Variants in EIF1AY observed in about 807,000 individuals in gnomAD.
The protein encoded by EIF1AY is eukaryotic translation initiation factor 1A, Y-chromosomal.
For missense variants in EIF1AY, 19 were observed against 30.6 expected (o/e 0.62, Z 0.89); for synonymous variants, 16 against 9.9 (o/e 1.62, Z -1.16).
chrY:20,576,190 A>G, intron 1 of EIF1AY, among the ~76,000 whole-genome samples: 1 of 33,738 alleles, frequency 3.0e-5, no homozygotes, highest in Non-Finnish European at 7.4e-5. Flanking sequence ...GAATAGGCAC[A>G]TGCAAACACT....
chrY:20,587,389 T>G, intron 4 of EIF1AY: 1 of 32,702 alleles, frequency 3.1e-5, no homozygotes, highest in African/African-American at 1.2e-4. Context: ...CCTGGGTTCA[T>G]GCCATTCTCC....
At position 20,575,826 on chromosome Y, in the gene EIF1AY, G is replaced by A; in HGVS notation, c.-46G>A. On this transcript the variant is annotated 5_prime_UTR_variant, in exon 1 of 7. Transcript: ENST00000361365. ...TCAGTCGGCTCTTAGAGTAGTAACCGCCAGAAAGGAGTCGGAAGAGGTCTC... is the reference window on the plus strand; with the variant it reads ...TCAGTCGGCTCTTAGAGTAGTAACCACCAGAAAGGAGTCGGAAGAGGTCTC... 2 of 380,301 alleles carry A rather than the reference G, an allele frequency of 5.3e-6. No homozygotes were observed. Among genetic ancestry groups the A allele is most frequent in the Non-Finnish European group, 7.4e-6 (2 of 271,507 alleles). 94.9% of individuals were successfully genotyped at this position (380,301 alleles called of 400,897 possible). A position where few individuals can be genotyped will look rare whatever the true frequency, so the allele number is the denominator to read the frequency against.
At chrY:20,576,431 T>C in intron 1 of EIF1AY, among the ~76,000 whole-genome samples, 1 of 33,516 alleles carries the variant, frequency 3.0e-5, no homozygotes, top group African/African-American at 1.2e-4. Flanking sequence ...CCGTATCCGA[T>C]AAATATTGTG....
At chrY:20,586,083 A>G (rs775728825) in intron 4 of EIF1AY, among the ~76,000 whole-genome samples, 2 of 32,723 alleles carry the variant, frequency 6.1e-5, no homozygotes, top group South Asian at 7.1e-4. Context: ...CATTCAGCCA[A>G]TGTTGGTAAA....
chrY:20,584,066 A>T (rs746473764), intron 3 of EIF1AY, among the ~76,000 whole-genome samples: 27 of 32,631 alleles, frequency 8.3e-4, no homozygotes, highest in African/African-American at 2.6e-3. Context: ...TTTCTAATTT[A>T]TTTTTATTTT....
Position 20,589,487 on chromosome Y carries a change from A to G in EIF1AY, c.341A>G (p.Lys114Arg). Residue 114 changes from lysine to arginine, a missense_variant, in exon 6 of 7, where the codon AAA becomes AGA. By Grantham distance (26) the Lys-to-Arg change is conservative (BLOSUM62 2). Coordinates refer to ENST00000361365, the MANE Select transcript of EIF1AY (RefSeq NM_004681.4). ...ATGTCTGTTATTTTACCTTTAGCTAAAATCAATGAAACAGACACATTTGGT... is the reference window on the plus strand; with the variant it reads ...ATGTCTGTTATTTTACCTTTAGCTAGAATCAATGAAACAGACACATTTGGT... ...KAYGELPEHA[K>R]INETDTFGPG... The G allele has an allele frequency of 2.5e-6, 1 of 394,332 alleles. No homozygotes were observed. Among genetic ancestry groups the G allele is most frequent in the Non-Finnish European group, 3.6e-6 (1 of 279,615 alleles).
chrY:20,589,468 G>A lies in EIF1AY; in HGVS notation c.338-16G>A, dbSNP rs769579692. On this transcript the variant is annotated splice_polypyrimidine_tract_variant and intron_variant, in intron 5 of 6. Transcript: ENST00000361365. ...TACAGGTTATATAATCAGTATGTCT[G>A]TTATTTTACCTTTAGCTAAAATCAA... 5.1e-6 allele frequency: 2 copies of A among 390,516 alleles called. No homozygotes were observed. The highest frequency in any genetic ancestry group is 1.3e-4 in the African/African-American group (2 of 15,686).
At chrY:20,591,534 C>T (rs955208569) in intron 6 of EIF1AY, among the ~76,000 whole-genome samples, 1 of 33,690 alleles carries the variant, frequency 3.0e-5, no homozygotes, top group South Asian at 6.6e-4. Flanking sequence ...AAGATATTTT[C>T]GTTTCACATT....
intron 2 of EIF1AY, among the ~76,000 whole-genome samples, chrY:20,580,070 C>CA (rs761607771): frequency 2.0e-3 from 17 of 8,563 alleles, no homozygotes; most frequent in East Asian, 0.015. Context: ...CGTGTCTCTA[C>CA]AAAAAAAAAA....
chrY:20,592,481 T>A lies in EIF1AY; in HGVS notation c.*135T>A. The A allele has an allele frequency of 2.6e-5, 3 of 115,880 alleles. No individual in the cohort carries two copies. Among genetic ancestry groups the A allele is most frequent in the Non-Finnish European group, 4.7e-5 (3 of 63,452 alleles). 28.9% of individuals were successfully genotyped at this position (115,880 alleles called of 400,897 possible). ...AGCAAACTGATTTATTTTCATTGTT[T>A]TAAAGTATTTATTTCTTTAAAAGCT... On this transcript the variant is annotated 3_prime_UTR_variant, in exon 7 of 7. Coordinates refer to ENST00000361365, the MANE Select transcript of EIF1AY (RefSeq NM_004681.4).
At chrY:20,592,167 C>A in intron 6 of EIF1AY, among the ~76,000 whole-genome samples, 174 bp from the exon 7 acceptor site, 5 of 33,622 alleles carry the variant, frequency 1.5e-4, no homozygotes, top group African/African-American at 5.8e-4. Context: ...CAATAACATT[C>A]CAAAAGAGCA....
At chrY:20,588,178 C>T (rs2089356203) in intron 5 of EIF1AY, 73 bp downstream of exon 5, 3 of 200,181 alleles carry the variant, frequency 1.5e-5, no homozygotes, top group East Asian at 1.2e-4. Flanking sequence ...AAGGTATTTC[C>T]GTAGAACTCT....
intron 6 of EIF1AY, 135 bp downstream of exon 6, chrY:20,589,710 A>G: frequency 6.6e-6 from 1 of 151,506 alleles, no homozygotes; most frequent in Non-Finnish European, 1.2e-5. Flanking sequence ...AACGTTAAGT[A>G]AGAGTGTCTA....
At chrY:20,591,310 A>G in intron 6 of EIF1AY, among the ~76,000 whole-genome samples, 2 of 32,906 alleles carry the variant, frequency 6.1e-5, no homozygotes, top group African/African-American at 1.2e-4. Flanking sequence ...TTGGTTTACT[A>G]CATCTTCAGG....
intron 4 of EIF1AY, among the ~76,000 whole-genome samples, chrY:20,586,016 C>T (rs1603578967): frequency 6.3e-5 from 2 of 31,966 alleles, no homozygotes; most frequent in African/African-American, 1.2e-4. Context: ...TCATTAAAAC[C>T]ACCAAGAATT....
chrY:20,582,587 C>T lies in EIF1AY; in HGVS notation c.101-3C>T. 1 of 386,407 alleles carries T rather than the reference C, an allele frequency of 2.6e-6. No individual in the cohort carries two copies. The highest frequency in any genetic ancestry group is 3.0e-5 in the South Asian group (1 of 33,487). On this transcript the variant is annotated splice_region_variant and splice_polypyrimidine_tract_variant and intron_variant, in intron 2 of 6. Coordinates refer to ENST00000361365, the MANE Select transcript of EIF1AY (RefSeq NM_004681.4). Reference sequence around the variant, plus strand: ...AACCTTTTTTTTTATCTCCTCTCCTCAGAGTATGCTCAGGTAATCAAAATG... The same window carrying T: ...AACCTTTTTTTTTATCTCCTCTCCTTAGAGTATGCTCAGGTAATCAAAATG...
intron 3 of EIF1AY, among the ~76,000 whole-genome samples, chrY:20,584,037 A>G (rs978962218): frequency 6.1e-5 from 2 of 32,664 alleles, no homozygotes; most frequent in Non-Finnish European, 1.5e-4. Context: ...TACTACAGAT[A>G]TATATATTTC....
At chrY:20,587,349 C>G (rs2124357486) in intron 4 of EIF1AY, 1 of 33,237 alleles carries the variant, frequency 3.0e-5, no homozygotes, top group Admixed American at 2.7e-4. Flanking sequence ...AGTGCAGTGG[C>G]TTGATCTCGG....
chrY:20,588,001 A>G (rs758082508), intron 4 of EIF1AY, 23 bp from the exon 5 acceptor site: 1 of 334,426 alleles, frequency 3.0e-6, no homozygotes, highest in East Asian at 9.8e-5. Flanking sequence ...AGACGTTTTG[A>G]AAGTTATTTG....
Sources: allele counts gnomAD v4.1 joint callset (sites outside exome capture counted in the v4.1 genomes callset), GRCh38; gene constraint gnomAD v4.1.1; transcripts MANE v1.5; gene names NCBI Gene and HGNC (gene_info 2026-07-23, HGNC 2026-07-21).